The following GREB1L variants were observed in gnomAD, a reference collection of about 807,000 sequenced individuals.
GREB1L encodes GREB1-like protein.
In GREB1L, 17 loss-of-function variants were observed where a neutral mutation model predicts 200.8. That is an observed-to-expected ratio of 0.08 (90% confidence interval 0.06 to 0.13). The LOEUF (loss-of-function observed/expected upper bound fraction) is 0.13, where lower values mean the gene tolerates loss of function less well. Among genes scored for constraint, GREB1L ranks in the 10% least tolerant of loss-of-function variants. The pLI is 1.00. For missense variants in GREB1L, 1,657 were observed against 2,367.7 expected (o/e 0.70, Z 6.23); for synonymous variants, 789 against 893.0 (o/e 0.88, Z 2.08).
chr18:21,411,006 G>A (rs1208610452), intron 7 of GREB1L, among the ~76,000 whole-genome samples: 1 of 151,990 alleles, frequency 6.6e-6, no homozygotes, highest in Non-Finnish European at 1.5e-5. Context: ...GAATTAATAA[G>A]AGAAGTATGT....
chr18:21,342,149 G>A (rs1353539395), intron 1 of GREB1L, among the ~76,000 whole-genome samples: 1 of 152,078 alleles, frequency 6.6e-6, no homozygotes, highest in African/African-American at 2.4e-5. Flanking sequence ...ATTTCAGACT[G>A]ATTGATGGCC....
intron 4 of GREB1L, among the ~76,000 whole-genome samples, chr18:21,389,699 C>G (rs974681974): frequency 2.6e-5 from 4 of 152,174 alleles, no homozygotes; most frequent in African/African-American, 9.6e-5. Flanking sequence ...CCCTCTTAGT[C>G]TCCCTTTTGC....
chr18:21,515,653 G>A lies in GREB1L; in HGVS notation c.5129+9G>A, dbSNP rs1268007857. The A allele has an allele frequency of 6.5e-7, 1 of 1,532,074 alleles. No individual in the cohort carries two copies. The highest frequency in any genetic ancestry group is 2.4e-5 in the East Asian group (1 of 40,842). The allele number at this position is 1,532,074 out of a possible 1,614,324, so 94.9% of individuals were successfully genotyped here. On this transcript the variant is annotated intron_variant, in intron 29 of 32. Transcript: ENST00000424526. ...CAGTATGACTTCAACAGGTAAGTCA[G>A]GCCTCATGGATGCAGGTAATCCTGG...
intron 16 of GREB1L, among the ~76,000 whole-genome samples, chr18:21,476,480 C>G (rs535492478): frequency 6.6e-6 from 1 of 151,974 alleles, no homozygotes; most frequent in African/African-American, 2.4e-5. Flanking sequence ...GCTCATTGAC[C>G]CTGTACACCT....
intron 4 of GREB1L, among the ~76,000 whole-genome samples, chr18:21,393,939 TA>T (rs2040937326): frequency 6.6e-6 from 1 of 152,038 alleles, no homozygotes; most frequent in African/African-American, 2.4e-5. Flanking sequence ...ATGGCTTAGG[TA>T]AAATGAAGAA....
At chr18:21,274,327 CAT>C (rs1244184611) in intron 1 of GREB1L, among the ~76,000 whole-genome samples, 8 of 152,168 alleles carry the variant, frequency 5.3e-5, no homozygotes, top group African/African-American at 1.7e-4. Context: ...AGGATTTCAA[CAT>C]ATGAATTTTG....
chr18:21,432,975 G>A (rs1447388215), intron 7 of GREB1L, among the ~76,000 whole-genome samples: 2 of 151,906 alleles, frequency 1.3e-5, no homozygotes, highest in African/African-American at 2.4e-5. Context: ...CCAAAGTGCT[G>A]GGATTACAGG....
intron 1 of GREB1L, among the ~76,000 whole-genome samples, chr18:21,272,883 T>C (rs2144306105): frequency 1.3e-5 from 2 of 152,342 alleles, no homozygotes; most frequent in Middle Eastern, 6.8e-3. Flanking sequence ...GAGAAAAAGC[T>C]AGTTTTAAAT....
intron 1 of GREB1L, among the ~76,000 whole-genome samples, chr18:21,305,651 C>T (rs1186362824): frequency 6.6e-6 from 1 of 152,140 alleles, no homozygotes; most frequent in African/African-American, 2.4e-5. Flanking sequence ...CAGAATGATT[C>T]TTTTAAAGCA....
rs917979122 is a variant in GREB1L at position 21,524,508 on chromosome 18, T to A, written c.*1687T>A. 4 of 152,304 alleles carry A rather than the reference T, an allele frequency of 2.6e-5. No individual in the cohort carries two copies. The South Asian group carries it at 8.3e-4, about 32-fold the overall frequency. The allele number at this position is 152,304 out of a possible 1,614,324, so 9.4% of individuals were successfully genotyped here. The stretch of plus-strand genomic sequence containing the variant: ...GAGGTATGTTTTGAAGCAATTTGGT[T>A]TAAATATGAATGTATTTCACTTGTT... On this transcript the variant is annotated 3_prime_UTR_variant, in exon 33 of 33. Transcript: ENST00000424526.
chr18:21,269,202 T>G (rs1156393452), intron 1 of GREB1L, among the ~76,000 whole-genome samples: 1 of 152,156 alleles, frequency 6.6e-6, no homozygotes, highest in Non-Finnish European at 1.5e-5. Flanking sequence ...TCATGTCTGT[T>G]TTACTGATGG....
intron 14 of GREB1L, among the ~76,000 whole-genome samples, chr18:21,452,792 G>A (rs1213131627): frequency 6.6e-6 from 1 of 152,180 alleles, no homozygotes; most frequent in Non-Finnish European, 1.5e-5. Flanking sequence ...CCAATTCACT[G>A]ATTGACAGGA....
chr18:21,254,061 A>AT (rs547876546), intron 1 of GREB1L, among the ~76,000 whole-genome samples: 1,465 of 70,418 alleles, frequency 0.021, 188 homozygotes, highest in African/African-American at 0.037. Flanking sequence ...TTTCAGGCAT[A>AT]TTTTTTTTTT....
At chr18:21,445,066 A>T (rs1390865167) in intron 11 of GREB1L, among the ~76,000 whole-genome samples, 5 of 152,252 alleles carry the variant, frequency 3.3e-5, no homozygotes, top group Non-Finnish European at 7.3e-5. Context: ...CCCTGACAAT[A>T]CTAGAGTGGC....
At chr18:21,260,576 C>T (rs1195217471) in intron 1 of GREB1L, among the ~76,000 whole-genome samples, 4 of 151,856 alleles carry the variant, frequency 2.6e-5, no homozygotes, top group Non-Finnish European at 5.9e-5. Context: ...CCATTTGTTC[C>T]GAGTTGACTT....
At chr18:21,290,005 TC>T (rs1340647278) in intron 1 of GREB1L, among the ~76,000 whole-genome samples, 3 of 152,208 alleles carry the variant, frequency 2.0e-5, no homozygotes, top group African/African-American at 7.2e-5. Flanking sequence ...AAGATGAGAC[TC>T]CTGGGATTTA....
intron 15 of GREB1L, chr18:21,454,964 A>T (rs2043180698): frequency 4.1e-6 from 1 of 242,784 alleles, no homozygotes; most frequent in South Asian, 5.5e-5. Flanking sequence ...CTAGCACATT[A>T]ACAGCACGTC....
At chr18:21,335,864 C>T (rs1486324434) in intron 1 of GREB1L, among the ~76,000 whole-genome samples, 12 of 151,904 alleles carry the variant, frequency 7.9e-5, no homozygotes, top group Non-Finnish European at 1.8e-4. Flanking sequence ...GGGGATTCAC[C>T]GTGTTAGCCA....
intron 7 of GREB1L, among the ~76,000 whole-genome samples, chr18:21,406,058 T>TTA (rs774187859): frequency 8.0e-6 from 1 of 124,896 alleles, no homozygotes; most frequent in East Asian, 2.3e-4. Context: ...AGACCCTGTC[T>TTA]AAAAAAAAAA....
Sources: gnomAD v4.1 joint callset for allele counts (sites outside exome capture counted in the v4.1 genomes callset) on GRCh38, gnomAD v4.1.1 for gene constraint, MANE v1.5 for transcripts, NCBI Gene and HGNC (gene_info 2026-07-23, HGNC 2026-07-21) for gene names.